The following CLASP2 variants were observed in gnomAD, a reference collection of about 807,000 sequenced individuals.
The protein encoded by CLASP2 is cytoplasmic linker associated protein 2.
In CLASP2, 47 loss-of-function variants were observed where a neutral mutation model predicts 194.4. That is an observed-to-expected ratio of 0.24 (90% CI 0.19 to 0.31). The LOEUF (loss-of-function observed/expected upper bound fraction) is 0.31, where lower values mean the gene tolerates loss of function less well. CLASP2 is among the 10% of genes least tolerant of loss of function. The pLI is 1.00. For missense variants in CLASP2, 1,445 were observed against 1,823.6 expected, an observed-to-expected ratio of 0.79 and a Z score of 3.78; for synonymous variants, 619 against 633.5, an observed-to-expected ratio of 0.98 and a Z score of 0.34.
chr3:33,602,840 T>A (rs773056473), intron 18 of CLASP2, 112 bp downstream of exon 18: 2 of 1,096,964 alleles, frequency 1.8e-6, no homozygotes, highest in Non-Finnish European at 1.4e-6. Context: ...TTAAAACATA[T>A]GGACTATCCT....
intron 29 of CLASP2, among the ~76,000 whole-genome samples, chr3:33,556,509 C>T (rs911496013): frequency 2.0e-5 from 3 of 151,516 alleles, no homozygotes; most frequent in African/African-American, 7.3e-5. Flanking sequence ...AGACTCGGCT[C>T]ACTGCATCCT....
chr3:33,626,921 T>A (rs1328794402), intron 10 of CLASP2, 67 bp downstream of exon 10: 2 of 952,262 alleles, frequency 2.1e-6, no homozygotes, highest in Admixed American at 4.6e-5. Flanking sequence ...TACTACTGAA[T>A]TTCCATGTTT....
intron 33 of CLASP2, 143 bp downstream of exon 33, chr3:33,538,646 T>C (rs2057818166): frequency 1.8e-6 from 1 of 558,958 alleles, no homozygotes; most frequent in Non-Finnish European, 2.9e-6. Context: ...GTGCCTGGTA[T>C]GTGGTAGATA....
Position 33,622,197 on chromosome 3 carries a change from T to C in CLASP2, c.1119A>G (p.Ala373=), listed in dbSNP as rs757413490. ...FFQHLRLLDG[A]LKLSAKDLRS... ...TAAGATCCTTAGCTGAAAGTTTAAG[T>C]GCTCCATCCAACAATCGTAAATGTT... is the stretch of plus-strand genomic sequence containing the variant. The change falls in exon 11 of 39, where the codon GCA becomes GCG. Residue 373 remains alanine (A), a synonymous_variant. Coordinates refer to ENST00000682230, the MANE Select transcript of CLASP2 (RefSeq NM_001365631.1). 3.1e-6 allele frequency: 5 copies of C among 1,605,508 alleles called. No homozygotes were observed. In the Admixed American group the frequency reaches 6.8e-5, roughly 22 times the overall value.
intron 37 of CLASP2, among the ~76,000 whole-genome samples, chr3:33,510,112 T>C (rs983340178): frequency 2.0e-4 from 31 of 152,224 alleles, no homozygotes; most frequent in African/African-American, 6.5e-4. Flanking sequence ...GAAAACATTA[T>C]GCTAAGTGAA....
chr3:33,685,793 G>A (rs532904713), intron 5 of CLASP2, among the ~76,000 whole-genome samples: 1 of 134,428 alleles, frequency 7.4e-6, no homozygotes, highest in African/African-American at 2.7e-5. Flanking sequence ...AATAGTGGTT[G>A]CCAGCAGCTG....
intron 9 of CLASP2, among the ~76,000 whole-genome samples, chr3:33,629,261 C>T (rs146974962): frequency 1.3e-5 from 2 of 152,182 alleles, no homozygotes; most frequent in African/African-American, 2.4e-5. Flanking sequence ...AACCCAGCCA[C>T]GTTAAGAGAT....
chr3:33,712,290 T>G (rs1378718508), intron 1 of CLASP2, among the ~76,000 whole-genome samples: 1 of 152,150 alleles, frequency 6.6e-6, no homozygotes, highest in African/African-American at 2.4e-5. Flanking sequence ...ACTTATAAGT[T>G]AGGAGCTAAG....
intron 10 of CLASP2, among the ~76,000 whole-genome samples, chr3:33,625,008 A>G (rs1042047826): frequency 2.0e-4 from 31 of 152,042 alleles, no homozygotes; most frequent in African/African-American, 6.8e-4. Context: ...AGCATCTACT[A>G]AAATAAAATT....
intron 6 of CLASP2, among the ~76,000 whole-genome samples, chr3:33,681,223 T>C (rs1207729901): frequency 2.6e-5 from 4 of 151,860 alleles, no homozygotes; most frequent in African/African-American, 9.7e-5. Context: ...TATGTTAACA[T>C]CACTTCTTTC....
chr3:33,667,406 C>CACAAAAAAA (rs2086378241), intron 6 of CLASP2, among the ~76,000 whole-genome samples: 1 of 44,148 alleles, frequency 2.3e-5, no homozygotes, highest in African/African-American at 1.1e-4. Flanking sequence ...GAGACTATCT[C>CACAAAAAAA]AAAAAAAAAA....
intron 7 of CLASP2, among the ~76,000 whole-genome samples, chr3:33,660,275 A>G (rs2085079722): frequency 6.6e-6 from 1 of 152,184 alleles, no homozygotes; most frequent in African/African-American, 2.4e-5. Flanking sequence ...TCTTTCCTAC[A>G]GGGCTGGTGT....
intron 5 of CLASP2, among the ~76,000 whole-genome samples, chr3:33,685,448 C>T (rs1021647694): frequency 3.3e-5 from 5 of 150,792 alleles, no homozygotes; most frequent in South Asian, 2.1e-4. Flanking sequence ...ATGTATTTTC[C>T]TGTATTAAGA....
intron 18 of CLASP2, among the ~76,000 whole-genome samples, chr3:33,600,666 A>G (rs2071832279): frequency 1.3e-5 from 2 of 152,204 alleles, no homozygotes; most frequent in Admixed American, 1.3e-4. Context: ...AATTTTACAC[A>G]AAATGATGAA....
intron 34 of CLASP2, among the ~76,000 whole-genome samples, chr3:33,520,138 C>T (rs1471277651): frequency 6.6e-6 from 1 of 152,156 alleles, no homozygotes; most frequent in Non-Finnish European, 1.5e-5. Context: ...CTCAGCCTCC[C>T]AAGTAGCTGG....
intron 12 of CLASP2, among the ~76,000 whole-genome samples, chr3:33,617,935 A>T (rs1160838934): frequency 1.8e-4 from 24 of 133,354 alleles, no homozygotes; most frequent in East Asian, 1.4e-3. Flanking sequence ...TATTATTATT[A>T]TATATATATA....
intron 4 of CLASP2, 32 bp downstream of exon 4, chr3:33,688,245 A>G: frequency 6.8e-7 from 1 of 1,472,672 alleles, no homozygotes; most frequent in South Asian, 1.3e-5. Context: ...ATAAAAAACA[A>G]GACAGTTATT....
rs1309337582 is a variant in CLASP2 at position 33,524,085 on chromosome 3, CT to C, written c.3788-6912del. 1.3e-5 allele frequency among the ~76,000 whole-genome samples: 2 copies of C among 152,078 alleles called. 1 individual carries two copies. Among genetic ancestry groups the C allele is most frequent in the South Asian group, 4.2e-4 (2 of 4,816 alleles). On this transcript the variant is annotated intron_variant, in intron 34 of 38. Transcript: ENST00000682230. ...AATAGCAACATGACAGAAGTAAGTCCTTTCTTATCAGTAATTACTTTAAATG... is the reference window on the plus strand; with the variant it reads ...AATAGCAACATGACAGAAGTAAGTCCTTCTTATCAGTAATTACTTTAAATG...
chr3:33,713,012 C>CAGAA (rs1559717375), intron 1 of CLASP2, among the ~76,000 whole-genome samples: 9 of 46,990 alleles, frequency 1.9e-4, no homozygotes, highest in Non-Finnish European at 3.0e-4. Context: ...AACTCCACCT[C>CAGAA]AAAAAAAAAA....
Sources: gnomAD v4.1 joint callset for allele counts (sites outside exome capture counted in the v4.1 genomes callset) on GRCh38, gnomAD v4.1.1 for gene constraint, MANE v1.5 for transcripts, NCBI Gene and HGNC (gene_info 2026-07-23, HGNC 2026-07-21) for gene names.